ZC3H12B: variants seen among roughly 807,000 people sequenced by gnomAD.
The protein encoded by ZC3H12B is zinc finger CCCH-type containing 12B.
ZC3H12B carries 7 observed loss-of-function variants against 43.9 expected under a neutral mutation model. That is an observed-to-expected ratio of 0.16 (90% CI 0.09 to 0.30). The LOEUF (loss-of-function observed/expected upper bound fraction) is 0.30. Ranked by LOEUF, ZC3H12B falls within the 10% of genes least tolerant of loss-of-function variation. The probability of loss-of-function intolerance (pLI) is 1.00; values close to 1 mark genes in which losing one functional copy is unlikely to be tolerated. For synonymous variants in ZC3H12B, 222 were observed against 241.7 expected (o/e 0.92, Z 0.76); for missense variants, 475 against 670.2 (o/e 0.71, Z 3.22).
chrX:65,061,610 G>C, the ZC3H12B span, among the ~76,000 whole-genome samples: 1 of 111,939 alleles, frequency 8.9e-6, no homozygotes. Context: ...TATTGTAAAT[G>C]GTGCTGCAAT....
the ZC3H12B span, among the ~76,000 whole-genome samples, chrX:65,071,502 G>C: frequency 3.6e-5 from 4 of 110,388 alleles, no homozygotes; most frequent in Non-Finnish European, 5.7e-5. Context: ...CATTATGTTA[G>C]CTAGTTATTT....
chrX:65,283,680 G>A, the ZC3H12B span, among the ~76,000 whole-genome samples: 1 of 111,687 alleles, frequency 9.0e-6, no homozygotes, highest in Non-Finnish European at 1.9e-5. Context: ...AAGGGAGCTA[G>A]CACTAGATTC....
At chrX:65,249,035 G>A in the ZC3H12B span, among the ~76,000 whole-genome samples, 1 of 111,344 alleles carries the variant, frequency 9.0e-6, no homozygotes, top group Non-Finnish European at 1.9e-5. Flanking sequence ...TGGGTTTTCT[G>A]TTTACTCTGC....
chrX:65,252,547 G>C, the ZC3H12B span, among the ~76,000 whole-genome samples: 4 of 111,638 alleles, frequency 3.6e-5, no homozygotes, highest in Non-Finnish European at 7.5e-5. Flanking sequence ...AAACTTAAGG[G>C]AATTTCCAAA....
the ZC3H12B span, among the ~76,000 whole-genome samples, chrX:65,353,963 G>A: frequency 8.9e-6 from 1 of 111,931 alleles, no homozygotes; most frequent in Non-Finnish European, 1.9e-5. Context: ...AGCAGCCCCA[G>A]TCAGGGGCTT....
At chrX:65,062,229 T>G in the ZC3H12B span, among the ~76,000 whole-genome samples, 1 of 112,513 alleles carries the variant, frequency 8.9e-6, no homozygotes, top group Admixed American at 9.4e-5. Context: ...CATGAAGCCT[T>G]TGCCCATGGC....
chrX:65,420,063 C>T (rs1469364349), intron 3 of ZC3H12B, among the ~76,000 whole-genome samples: 2 of 112,208 alleles, frequency 1.8e-5, no homozygotes, highest in African/African-American at 6.5e-5. Flanking sequence ...TACTCCAGTG[C>T]CAGGCCAGCT....
the ZC3H12B span, among the ~76,000 whole-genome samples, chrX:65,263,696 G>A: frequency 9.0e-6 from 1 of 111,312 alleles, no homozygotes; most frequent in Non-Finnish European, 1.9e-5. Context: ...CTTAAAAGTG[G>A]ATGTTTCCTG....
the ZC3H12B span, among the ~76,000 whole-genome samples, chrX:65,168,595 G>T: frequency 9.0e-6 from 1 of 110,988 alleles, no homozygotes; most frequent in East Asian, 2.8e-4. Flanking sequence ...CTATTGTTTG[G>T]AACAGTTTCA....
the ZC3H12B span, among the ~76,000 whole-genome samples, chrX:65,228,873 G>A: frequency 9.0e-6 from 1 of 111,632 alleles, no homozygotes; most frequent in Non-Finnish European, 1.9e-5. Context: ...ACTGCTCAAG[G>A]AAATAAAAGA....
At chrX:65,111,523 G>C in the ZC3H12B span, among the ~76,000 whole-genome samples, 1 of 106,932 alleles carries the variant, frequency 9.4e-6, no homozygotes, top group Non-Finnish European at 1.9e-5. Context: ...CAATTTGCAA[G>C]TATTGCAATT....
At chrX:65,385,706 A>T (rs781064780) in intron 2 of ZC3H12B, among the ~76,000 whole-genome samples, 9 of 111,546 alleles carry the variant, frequency 8.1e-5, no homozygotes, top group African/African-American at 2.9e-4. Context: ...TGAGAGAGGG[A>T]ATCCCTGTCT....
chrX:65,160,608 T>A, the ZC3H12B span, among the ~76,000 whole-genome samples: 1 of 111,817 alleles, frequency 8.9e-6, no homozygotes, highest in Non-Finnish European at 1.9e-5. Context: ...GGTGGTGATA[T>A]CCCCTTTATC....
At chrX:65,167,602 G>A in the ZC3H12B span, among the ~76,000 whole-genome samples, 5 of 111,444 alleles carry the variant, frequency 4.5e-5, no homozygotes, top group South Asian at 1.9e-3. Flanking sequence ...AGCTTTATGG[G>A]GATTGCATTG....
chrX:65,127,392 C>G, the ZC3H12B span, among the ~76,000 whole-genome samples: 1 of 112,024 alleles, frequency 8.9e-6, no homozygotes, highest in Non-Finnish European at 1.9e-5. Flanking sequence ...AGCACCTGCT[C>G]TAGTGGAGGT....
the ZC3H12B span, among the ~76,000 whole-genome samples, chrX:65,192,602 T>A: frequency 9.0e-6 from 1 of 111,714 alleles, no homozygotes; most frequent in Non-Finnish European, 1.9e-5. Context: ...CAGTTGAATT[T>A]ATCATATGAT....
chrX:65,264,489 G>A, the ZC3H12B span, among the ~76,000 whole-genome samples: 1 of 111,246 alleles, frequency 9.0e-6, no homozygotes, highest in African/African-American at 3.3e-5. Context: ...ATACAGAATT[G>A]ACCCATATCT....
chrX:65,367,424 C>T (rs1299219938), intron 1 of ZC3H12B, among the ~76,000 whole-genome samples: 8 of 111,616 alleles, frequency 7.2e-5, no homozygotes, highest in Admixed American at 2.9e-4. Flanking sequence ...CACTCTTGAA[C>T]ATGTCGCACA....
At chrX:65,076,431 G>T in the ZC3H12B span, among the ~76,000 whole-genome samples, 1 of 111,480 alleles carries the variant, frequency 9.0e-6, no homozygotes, top group Non-Finnish European at 1.9e-5. Context: ...GAGCCACCAT[G>T]CCTGGCTTGT....
Sources: gnomAD v4.1 joint callset for allele counts (sites outside exome capture counted in the v4.1 genomes callset) on GRCh38, gnomAD v4.1.1 for gene constraint, MANE v1.5 for transcripts, NCBI Gene and HGNC (gene_info 2026-07-23, HGNC 2026-07-21) for gene names.